The following SLC2A12 variants were observed in gnomAD, a reference collection of about 807,000 sequenced individuals.
SLC2A12 encodes solute carrier family 2 member 12.
Under a neutral mutation model 41.8 loss-of-function variants are expected in SLC2A12, and 23 were observed. The observed-to-expected ratio is 0.55, with a 90% CI of 0.40 to 0.78. The LOEUF (loss-of-function observed/expected upper bound fraction) is 0.78. Among genes scored for constraint, SLC2A12 ranks in the 30% least tolerant of loss-of-function variants. The pLI, the probability that SLC2A12 is intolerant of heterozygous loss-of-function variation, is 0.00. For missense variants in SLC2A12, 654 were observed against 745.6 expected, an observed-to-expected ratio of 0.88 and a Z score of 1.43; for synonymous variants, 295 against 285.9, an observed-to-expected ratio of 1.03 and a Z score of -0.32.
At chr6:134,001,314 G>GT (rs1776751688) in intron 4 of SLC2A12, among the ~76,000 whole-genome samples, 1 of 152,022 alleles carries the variant, frequency 6.6e-6, no homozygotes, top group South Asian at 2.1e-4. Context: ...GAAATAAACT[G>GT]TTTTTTAAAT....
At chr6:134,020,961 T>C (rs1777032540) in intron 2 of SLC2A12, among the ~76,000 whole-genome samples, 1 of 152,244 alleles carries the variant, frequency 6.6e-6, no homozygotes, top group South Asian at 2.1e-4. Flanking sequence ...GAACAACTTT[T>C]AGATATTGTG....
At chr6:133,992,999 G>A (rs372248087) in intron 4 of SLC2A12, among the ~76,000 whole-genome samples, 4 of 152,106 alleles carry the variant, frequency 2.6e-5, no homozygotes, top group Admixed American at 6.5e-5. Flanking sequence ...CTCTCATTCC[G>A]CTGAGCCTGT....
At chr6:134,039,865 ACT>A (rs1048017538) in intron 1 of SLC2A12, among the ~76,000 whole-genome samples, 24 of 149,722 alleles carry the variant, frequency 1.6e-4, no homozygotes, top group Middle Eastern at 3.4e-3. Context: ...CCTCCACCCC[ACT>A]CTCTCTCTCT....
chr6:134,029,348 A>T lies in SLC2A12; in HGVS notation c.477T>A (p.Ala159=). Residue 159 remains alanine (A), a synonymous_variant, in exon 2 of 5, where the codon GCT becomes GCA. Coordinates refer to ENST00000275230, the MANE Select transcript of SLC2A12 (RefSeq NM_145176.3). ...CAAGAAGGCCTCTTCTGTGTTGAGG[A>T]GCAATCTCTGCGATGTAAACACAAG... ...IATCVYIAEI[A]PQHRRGLLVS... 1 of 1,614,222 alleles carries T rather than the reference A, an allele frequency of 6.2e-7. No individual in the cohort carries two copies. The highest frequency in any genetic ancestry group is 8.5e-7 in the Non-Finnish European group (1 of 1,180,044).
Position 134,028,829 on chromosome 6 carries a change from G to A in SLC2A12, c.996C>T (p.Ile332=), listed in dbSNP as rs144564244. The A allele has an allele frequency of 3.6e-4, 583 of 1,614,234 alleles. 2 individuals are homozygous for A. The African/African-American group carries it at 7.0e-3, about 19-fold the overall frequency. Reference sequence around the variant, plus strand: ...CATGGTCTACAAGAAGAGTGGCAGGGATGGTGCTAATGACCTTGACGACTC... The same window carrying A: ...CATGGTCTACAAGAAGAGTGGCAGGAATGGTGCTAATGACCTTGACGACTC... ...GVGVVKVIST[I]PATLLVDHVG... The change falls in exon 2 of 5, where the codon ATC becomes ATT. Residue 332 remains isoleucine, a synonymous_variant. Transcript: ENST00000275230.
chr6:134,021,036 G>T (rs1017248490), intron 2 of SLC2A12, among the ~76,000 whole-genome samples: 5 of 152,166 alleles, frequency 3.3e-5, no homozygotes, highest in Non-Finnish European at 7.4e-5. Context: ...CCCGCTAATT[G>T]TTTCTTAACA....
intron 1 of SLC2A12, among the ~76,000 whole-genome samples, chr6:134,048,990 C>G (rs902753453): frequency 3.3e-5 from 5 of 152,116 alleles, no homozygotes; most frequent in African/African-American, 7.2e-5. Flanking sequence ...TCCAGGGGGC[C>G]CATTTTAAGC....
intron 1 of SLC2A12, among the ~76,000 whole-genome samples, chr6:134,040,140 G>A (rs889415257): frequency 1.6e-4 from 24 of 150,812 alleles, no homozygotes; most frequent in Non-Finnish European, 3.1e-4. Context: ...GCAGTGGTGC[G>A]ATCTCAGCTC....
intron 1 of SLC2A12, among the ~76,000 whole-genome samples, chr6:134,031,584 G>A (rs1777208580): frequency 6.6e-6 from 1 of 152,176 alleles, no homozygotes; most frequent in Non-Finnish European, 1.5e-5. Context: ...ATTGAGAGAT[G>A]TAGAGGGCAT....
Position 134,037,144 on chromosome 6 carries a change from ATTTTTTTTT to A in SLC2A12, c.104-7432_104-7424del, listed in dbSNP as rs533155835. ...TCACAGCCCAGGGAAACTCGATTCA[ATTTTTTTTT>A]TTTTTTTTTTTTTTTTTTTGAGAAG... On this transcript the variant is annotated intron_variant, in intron 1 of 4. Coordinates refer to ENST00000275230, the MANE Select transcript of SLC2A12 (RefSeq NM_145176.3). 6.9e-3 allele frequency among the ~76,000 whole-genome samples: 576 copies of A among 83,366 alleles called. 7 individuals carry two copies. The highest frequency in any genetic ancestry group is 0.024 in the African/African-American group (437 of 17,928). The allele number at this position is 83,366 out of a possible 152,430, so 54.7% of individuals were successfully genotyped here.
At position 134,031,420 on chromosome 6, in the gene SLC2A12, AACAAAC is replaced by A. The variant is rs932721744; in HGVS notation, c.104-1705_104-1700del. Among the ~76,000 whole-genome samples, 34 of 110,986 alleles carry A rather than the reference AACAAAC, an allele frequency of 3.1e-4. 1 individual carries two copies. The highest frequency in any genetic ancestry group is 2.5e-3 in the South Asian group (8 of 3,182). The allele number at this position is 110,986 out of a possible 152,430, so 72.8% of individuals were successfully genotyped here. A position where few individuals can be genotyped will look rare whatever the true frequency, so the allele number is the denominator to read the frequency against. ...AAAAAACAAAAAACAAAAAACAAAC[AACAAAC>A]AAAAAAAACATTACACTTGTTCAAG... On this transcript the variant is annotated intron_variant, in intron 1 of 4. Transcript: ENST00000275230.
chr6:134,019,598 C>A (rs10499187), intron 2 of SLC2A12, among the ~76,000 whole-genome samples: 38,687 of 152,026 alleles, frequency 0.25, 5,528 homozygotes, highest in East Asian at 0.42. Context: ...GTTTGACATA[C>A]GGGTTTTAAT....
chr6:134,012,556 A>T (rs1372350263), intron 2 of SLC2A12, among the ~76,000 whole-genome samples: 1 of 152,246 alleles, frequency 6.6e-6, no homozygotes, highest in Non-Finnish European at 1.5e-5. Flanking sequence ...CAAAGGATGC[A>T]ATTTATATTG....
At chr6:134,026,025 G>A (rs918310973) in intron 2 of SLC2A12, among the ~76,000 whole-genome samples, 13 of 152,202 alleles carry the variant, frequency 8.5e-5, no homozygotes, top group African/African-American at 3.1e-4. Context: ...CCATGAGTAG[G>A]TTGGTTCAGG....
chr6:134,033,736 T>C (rs1420548990), intron 1 of SLC2A12, among the ~76,000 whole-genome samples: 1 of 152,164 alleles, frequency 6.6e-6, no homozygotes, highest in African/African-American at 2.4e-5. Flanking sequence ...CTTCTCCTCT[T>C]CCTTTCTTGT....
intron 2 of SLC2A12, among the ~76,000 whole-genome samples, chr6:134,011,292 C>T (rs895724219): frequency 6.6e-6 from 1 of 152,096 alleles, no homozygotes; most frequent in Non-Finnish European, 1.5e-5. Flanking sequence ...ATTCTGGCCT[C>T]ATAAGTTGCC....
intron 4 of SLC2A12, among the ~76,000 whole-genome samples, chr6:133,997,113 C>T (rs1239019706): frequency 7.8e-6 from 1 of 128,846 alleles, no homozygotes; most frequent in East Asian, 2.4e-4. Context: ...AAAAAAAAGC[C>T]GGGCGTGGCA....
chr6:134,036,864 T>G (rs1257457761), intron 1 of SLC2A12, among the ~76,000 whole-genome samples: 1 of 152,238 alleles, frequency 6.6e-6, no homozygotes, highest in Non-Finnish European at 1.5e-5. Context: ...GACCATAAAG[T>G]GTTTTATTGT....
chr6:134,006,677 C>T (rs2811676), intron 3 of SLC2A12, 135 bp downstream of exon 3: 254,266 of 1,132,254 alleles, frequency 0.22, 29,477 homozygotes, highest in South Asian at 0.3. Context: ...GTCATGGGTA[C>T]TTCAGGGTCA....
Sources: allele counts gnomAD v4.1 joint callset (sites outside exome capture counted in the v4.1 genomes callset), GRCh38; gene constraint gnomAD v4.1.1; transcripts MANE v1.5; gene names NCBI Gene and HGNC (gene_info 2026-07-23, HGNC 2026-07-21).